Variants in ADAMTSL3 observed in about 807,000 individuals in gnomAD.
The protein encoded by ADAMTSL3 is ADAMTS-like protein 3.
Under a neutral mutation model 201.7 loss-of-function variants are expected in ADAMTSL3, and 128 were observed. The observed-to-expected ratio is 0.63, with a 90% CI of 0.55 to 0.73. The LOEUF is 0.73. Among genes scored for constraint, ADAMTSL3 ranks in the 30% least tolerant of loss-of-function variants. The pLI, the probability that ADAMTSL3 is intolerant of heterozygous loss-of-function variation, is 0.00. For missense variants in ADAMTSL3, 1,990 were observed against 2,119.6 expected (o/e 0.94, Z 1.20); for synonymous variants, 738 against 748.4 (o/e 0.99, Z 0.23).
intron 6 of ADAMTSL3, among the ~76,000 whole-genome samples, chr15:83,823,368 CAGGAGCTTCAGACTTA>C (rs2063929292): frequency 6.6e-6 from 1 of 152,200 alleles, no homozygotes; most frequent in African/African-American, 2.4e-5. Context: ...GGGGCACTAC[CAGGAGCTTCAGACTTA>C]AAGTGCTCAA....
At chr15:83,865,693 A>G (rs1468705615) in intron 8 of ADAMTSL3, among the ~76,000 whole-genome samples, 1 of 152,234 alleles carries the variant, frequency 6.6e-6, no homozygotes, top group Non-Finnish European at 1.5e-5. Context: ...CATTCAGGAC[A>G]TAGGCATGGG....
intron 7 of ADAMTSL3, among the ~76,000 whole-genome samples, chr15:83,846,376 A>G (rs1001901409): frequency 6.6e-6 from 1 of 152,226 alleles, no homozygotes; most frequent in Non-Finnish European, 1.5e-5. Flanking sequence ...AGTGGTCAAG[A>G]TGGTTCTGAC....
chr15:83,979,598 A>G (rs1161638293), intron 20 of ADAMTSL3, among the ~76,000 whole-genome samples: 1 of 152,248 alleles, frequency 6.6e-6, no homozygotes, highest in African/African-American at 2.4e-5. Context: ...ACTTGCTTTA[A>G]CAGCCATCTT....
At chr15:83,714,371 C>T (rs2061971232) in intron 3 of ADAMTSL3, among the ~76,000 whole-genome samples, 1 of 152,192 alleles carries the variant, frequency 6.6e-6, no homozygotes, top group Non-Finnish European at 1.5e-5. Context: ...CATTGCTGTC[C>T]AGCACATTTC....
intron 2 of ADAMTSL3, among the ~76,000 whole-genome samples, chr15:83,690,461 G>T (rs1268760735): frequency 6.6e-6 from 1 of 152,068 alleles, no homozygotes; most frequent in African/African-American, 2.4e-5. Context: ...TGTTCATTAT[G>T]CCCCTGTTGT....
At chr15:84,003,391 C>T (rs2067834603) in intron 23 of ADAMTSL3, among the ~76,000 whole-genome samples, 1 of 152,166 alleles carries the variant, frequency 6.6e-6, no homozygotes, top group South Asian at 2.1e-4. Flanking sequence ...ATCCACAGGG[C>T]AGGAGCCTCG....
chr15:83,935,896 G>A (rs1210638869), intron 17 of ADAMTSL3, among the ~76,000 whole-genome samples: 2 of 151,928 alleles, frequency 1.3e-5, no homozygotes, highest in Non-Finnish European at 2.9e-5. Context: ...AAAGAGCTTG[G>A]CACATCATAG....
chr15:83,776,032 C>A (rs2063067901), intron 4 of ADAMTSL3, among the ~76,000 whole-genome samples: 1 of 152,202 alleles, frequency 6.6e-6, no homozygotes, highest in African/African-American at 2.4e-5. Flanking sequence ...TGCTGCAACA[C>A]CTACTCTGCT....
intron 3 of ADAMTSL3, among the ~76,000 whole-genome samples, chr15:83,750,740 C>T (rs1239408014): frequency 2.6e-5 from 4 of 152,024 alleles, no homozygotes; most frequent in African/African-American, 4.8e-5. Flanking sequence ...TTAGTAGAGA[C>T]GGGGTTTCAC....
intron 2 of ADAMTSL3, among the ~76,000 whole-genome samples, chr15:83,701,536 C>T (rs1371978907): frequency 6.6e-6 from 1 of 152,228 alleles, no homozygotes; most frequent in Non-Finnish European, 1.5e-5. Flanking sequence ...ATAATTCCCA[C>T]ATGCTGTGGG....
Position 84,036,894 on chromosome 15 carries a change from C to T in ADAMTSL3, c.4876C>T (p.His1626Tyr), listed in dbSNP as rs1332654851. ...GFQSRKVDCI[H>Y]TRSCKPVAKR... ...CCAGTCTCGGAAAGTCGACTGTATCCACACAAGGAGTTGCAAACCTGTGGC... is the reference window on the plus strand; with the variant it reads ...CCAGTCTCGGAAAGTCGACTGTATCTACACAAGGAGTTGCAAACCTGTGGC... The change falls in exon 29 of 30, where the codon CAC becomes TAC. Residue 1626 changes from histidine (H) to tyrosine (Y), a missense_variant. By Grantham distance (83) the His-to-Tyr change is moderately conservative. Coordinates refer to ENST00000286744, the MANE Select transcript of ADAMTSL3 (RefSeq NM_207517.3). The T allele has an allele frequency of 1.9e-6, 3 of 1,614,052 alleles. No individual in the cohort carries two copies. Among genetic ancestry groups the T allele is most frequent in the Non-Finnish European group, 1.7e-6 (2 of 1,180,040 alleles).
intron 9 of ADAMTSL3, among the ~76,000 whole-genome samples, chr15:83,874,058 C>A (rs1388356719): frequency 6.9e-6 from 1 of 145,222 alleles, no homozygotes; most frequent in Non-Finnish European, 1.5e-5. Context: ...GAGGATGCTC[C>A]TTTCTCCAGT....
chr15:83,693,679 GATTTCCTTTTCCCATATGAC>G (rs2061642457), intron 2 of ADAMTSL3, among the ~76,000 whole-genome samples: 1 of 152,136 alleles, frequency 6.6e-6, no homozygotes, highest in African/African-American at 2.4e-5. Context: ...CAGCACTTTG[GATTTCCTTTTCCCATATGAC>G]ATAGTATACA....
rs372473934 is a variant in ADAMTSL3 at position 83,800,444 on chromosome 15, G to A, written c.318-4206G>A. Among the ~76,000 whole-genome samples the A allele has an allele frequency of 1.9e-3, 293 of 152,150 alleles. 1 individual carries two copies. Among genetic ancestry groups the A allele is most frequent in the African/African-American group, 6.8e-3 (281 of 41,506 alleles). On this transcript the variant is annotated intron_variant, in intron 4 of 29. Coordinates refer to ENST00000286744, the MANE Select transcript of ADAMTSL3 (RefSeq NM_207517.3). ...AGGACACAGCAGGTGGCAATGGAGT[G>A]TAGACCATTGCTCTACACATGGTCT...
At chr15:83,791,816 G>A (rs181842269) in intron 4 of ADAMTSL3, among the ~76,000 whole-genome samples, 7 of 150,824 alleles carry the variant, frequency 4.6e-5, no homozygotes, top group Admixed American at 3.3e-4. Flanking sequence ...GCTGAGATGC[G>A]CCACTGCACT....
intron 20 of ADAMTSL3, among the ~76,000 whole-genome samples, chr15:83,976,543 A>G (rs2142144127): frequency 6.6e-6 from 1 of 151,968 alleles, no homozygotes; most frequent in East Asian, 1.9e-4. Flanking sequence ...AATCAGTGAG[A>G]GTCCTGAGCT....
intron 9 of ADAMTSL3, 80 bp from the exon 10 acceptor site, chr15:83,885,021 A>T (rs2065358541): frequency 1.1e-6 from 1 of 904,618 alleles, no homozygotes; most frequent in African/African-American, 1.7e-5. Flanking sequence ...ATACATGAAG[A>T]ACATTTATCT....
At chr15:84,013,508 A>G (rs1264242826) in intron 23 of ADAMTSL3, among the ~76,000 whole-genome samples, 1 of 152,226 alleles carries the variant, frequency 6.6e-6, no homozygotes, top group East Asian at 1.9e-4. Context: ...CCAGCTCTTA[A>G]GAGCCAGATG....
chr15:84,016,248 T>G (rs1390874167), intron 24 of ADAMTSL3, 135 bp from the exon 25 acceptor site: 3 of 660,350 alleles, frequency 4.5e-6, no homozygotes, highest in African/African-American at 3.6e-5. Flanking sequence ...CCTGTGGTCA[T>G]GAGCTTGAGT....
Sources: gnomAD v4.1 joint callset for allele counts (sites outside exome capture counted in the v4.1 genomes callset) on GRCh38, gnomAD v4.1.1 for gene constraint, MANE v1.5 for transcripts, NCBI Gene and HGNC (gene_info 2026-07-23, HGNC 2026-07-21) for gene names.